RASSF2: variants seen among roughly 807,000 people sequenced by gnomAD.
The protein encoded by RASSF2 is ras association domain-containing protein 2.
A neutral mutation model predicts 46.3 loss-of-function variants in RASSF2; 34 were observed. The ratio of observed to expected loss-of-function variants is 0.73; its 90% CI spans 0.56 to 0.98. RASSF2 has a LOEUF of 0.98. RASSF2 is among the 50% of genes least tolerant of loss of function. The pLI is 0.00. For synonymous variants in RASSF2, 158 were observed against 162.5 expected (o/e 0.97, Z 0.21); for missense variants, 364 against 431.2 (o/e 0.84, Z 1.38).
chr20:4,822,189 TA>T (rs1181324481), intron 2 of RASSF2, 139 bp downstream of exon 2: 1 of 152,268 alleles, frequency 6.6e-6, no homozygotes, highest in Admixed American at 6.5e-5. Flanking sequence ...CCCGGCTGTT[TA>T]AAAGAATCAT....
chr20:4,805,639 G>A (rs1315013523), intron 2 of RASSF2, among the ~76,000 whole-genome samples: 1 of 152,138 alleles, frequency 6.6e-6, no homozygotes, highest in Admixed American at 6.5e-5. Context: ...ATTTTGGAAA[G>A]GTCACCCACC....
Position 4,804,527 on chromosome 20 carries a change from C to T in RASSF2, c.-32-3465G>A, listed in dbSNP as rs184544384. ...TAATTTTTTGTATTTTTAGTGGAGA[C>T]GGGGTTTCACCATGTTGGCCAGGCT... is the stretch of plus-strand genomic sequence containing the variant. On this transcript the variant is annotated intron_variant, in intron 2 of 11. Transcript: ENST00000379400. Among the ~76,000 whole-genome samples the T allele has an allele frequency of 4.1e-3, 620 of 151,954 alleles. 6 individuals are homozygous for T. The highest frequency in any genetic ancestry group is 7.5e-3 in the Admixed American group (114 of 15,262).
In RASSF2 at chr20:4,790,326, G is replaced by T; in HGVS notation, c.537+125C>A. ...GCTTGCAGCCCACCCACAACCCAAA[G>T]ACTAAACAGCAGCAAACACTTGGCT... On this transcript the variant is annotated intron_variant, in intron 7 of 11. Coordinates refer to ENST00000379400, the MANE Select transcript of RASSF2 (RefSeq NM_014737.3). The surrounding 1 kb of genome is among the most constrained non-coding windows in gnomAD (Gnocchi z 4.3). 1.7e-6 allele frequency: 2 copies of T among 1,161,576 alleles called. No individual in the cohort carries two copies. Among genetic ancestry groups the T allele is most frequent in the Non-Finnish European group, 2.3e-6 (2 of 881,474 alleles). 72.0% of individuals were successfully genotyped at this position (1,161,576 alleles called of 1,614,324 possible). A position where few individuals can be genotyped will look rare whatever the true frequency, so the allele number is the denominator to read the frequency against.
At chr20:4,813,367 C>A (rs1324211783) in intron 2 of RASSF2, among the ~76,000 whole-genome samples, 1 of 152,260 alleles carries the variant, frequency 6.6e-6, no homozygotes, top group Non-Finnish European at 1.5e-5. Flanking sequence ...CCCAGCCCTC[C>A]CTGCCCAAGC....
At chr20:4,802,050 C>T (rs1434707140) in intron 2 of RASSF2, among the ~76,000 whole-genome samples, 1 of 152,020 alleles carries the variant, frequency 6.6e-6, no homozygotes. Context: ...GCACTATTAC[C>T]ATTGGAGCTG....
At chr20:4,792,707 C>T in intron 5 of RASSF2, 80 bp from the exon 6 acceptor site, 2 of 1,524,598 alleles carry the variant, frequency 1.3e-6, no homozygotes. Context: ...CGCTGGACCC[C>T]ACTCCTGAAA....
chr20:4,812,410 A>G lies in RASSF2; in HGVS notation c.-33+9919T>C, dbSNP rs1177062549. Among the ~76,000 whole-genome samples, 2 of 152,232 alleles carry G rather than the reference A, an allele frequency of 1.3e-5. No individual in the cohort carries two copies. The highest frequency in any genetic ancestry group is 4.8e-5 in the African/African-American group (2 of 41,460). On this transcript the variant is annotated intron_variant, in intron 2 of 11. Transcript: ENST00000379400. The surrounding 1 kb of genome is among the most constrained non-coding windows in gnomAD (Gnocchi z 4.0). Reference sequence around the variant, plus strand: ...CTAGAAGGGGCGGAGCTGAGGCTCAAATCCAGGGCGGTGCAGGTGCCAAGC... The same window carrying G: ...CTAGAAGGGGCGGAGCTGAGGCTCAGATCCAGGGCGGTGCAGGTGCCAAGC...
chr20:4,788,811 A>C (rs544649567), intron 8 of RASSF2, among the ~76,000 whole-genome samples: 7 of 152,368 alleles, frequency 4.6e-5, no homozygotes, highest in Admixed American at 2.0e-4. Flanking sequence ...GATAGATAAC[A>C]GCTATCGTCT....
chr20:4,802,254 G>A (rs916804530), intron 2 of RASSF2, among the ~76,000 whole-genome samples: 5 of 152,262 alleles, frequency 3.3e-5, no homozygotes, highest in African/African-American at 1.2e-4. Context: ...GTTCTTTGTC[G>A]TGGGACTGTC....
intron 2 of RASSF2, among the ~76,000 whole-genome samples, chr20:4,810,471 C>T (rs765827301): frequency 3.9e-5 from 6 of 152,140 alleles, no homozygotes; most frequent in Admixed American, 1.3e-4. Flanking sequence ...TTCCTCCAAA[C>T]GCTCCATGAT....
rs376041688 is a variant in RASSF2, at chr20:4,790,621, G to A, written c.377-10C>T. The A allele has an allele frequency of 1.1e-4, 162 of 1,515,182 alleles. No homozygotes were observed. Among genetic ancestry groups the A allele is most frequent in the Non-Finnish European group, 1.4e-4 (161 of 1,143,726 alleles). 93.9% of individuals were successfully genotyped at this position (1,515,182 alleles called of 1,614,324 possible). ...TTCAGGCCCCTGGAGTCTGAGAGAG[G>A]AGAGGGAAATGAACTCTGTCTGTCT... On this transcript the variant is annotated splice_polypyrimidine_tract_variant and intron_variant, in intron 6 of 11. Transcript: ENST00000379400. The surrounding 1 kb of genome is among the most constrained non-coding windows in gnomAD (Gnocchi z 4.3).
At chr20:4,814,980 A>G (rs1885304) in intron 2 of RASSF2, 76,007 of 152,114 alleles carry the variant, frequency 0.5, 21,138 homozygotes, top group East Asian at 0.84. Flanking sequence ...CCGGACGACT[A>G]CCTAAGATTA....
At chr20:4,807,169 C>T (rs1473411541) in intron 2 of RASSF2, among the ~76,000 whole-genome samples, 2 of 152,100 alleles carry the variant, frequency 1.3e-5, no homozygotes, top group Admixed American at 6.5e-5. Flanking sequence ...TAAAATATCA[C>T]TAGAGAATTC....
chr20:4,817,781 A>T (rs1264316442), intron 2 of RASSF2, among the ~76,000 whole-genome samples: 1 of 152,198 alleles, frequency 6.6e-6, no homozygotes, highest in Non-Finnish European at 1.5e-5. Context: ...TGGGTGTCTC[A>T]TGGTGGGTGG....
Position 4,790,181 on chromosome 20 carries a change from G to A in RASSF2, c.537+270C>T, listed in dbSNP as rs1052867185. Among the ~76,000 whole-genome samples, 2 of 152,168 alleles carry A rather than the reference G, an allele frequency of 1.3e-5. No individual in the cohort carries two copies. The highest frequency in any genetic ancestry group is 2.4e-5 in the African/African-American group (1 of 41,432). ...GAGCTGCGTTTATGGGGTCTTCAAG[G>A]CTACAGCAGGGACTGCTTTGTACAG... is the stretch of plus-strand genomic sequence containing the variant. On this transcript the variant is annotated intron_variant, in intron 7 of 11. Transcript: ENST00000379400. The surrounding 1 kb of genome is among the most constrained non-coding windows in gnomAD (Gnocchi z 4.3).
At chr20:4,787,370 A>C (rs1429153655) in intron 10 of RASSF2, among the ~76,000 whole-genome samples, 2 of 152,206 alleles carry the variant, frequency 1.3e-5, no homozygotes, top group Non-Finnish European at 2.9e-5. Context: ...TGCAGACTTG[A>C]ACTCAACCCA....
At chr20:4,820,268 G>A (rs1014089543) in intron 2 of RASSF2, among the ~76,000 whole-genome samples, 1 of 152,216 alleles carries the variant, frequency 6.6e-6, no homozygotes, top group African/African-American at 2.4e-5. Context: ...ACTTTGGGAG[G>A]CTGAGGCAGG....
chr20:4,809,600 A>G (rs1196601454), intron 2 of RASSF2, among the ~76,000 whole-genome samples: 1 of 152,116 alleles, frequency 6.6e-6, no homozygotes, highest in Non-Finnish European at 1.5e-5. Flanking sequence ...CCGGGTTATC[A>G]TGATTACTGC....
At chr20:4,813,590 A>C (rs1346002029) in intron 2 of RASSF2, among the ~76,000 whole-genome samples, 2 of 152,268 alleles carry the variant, frequency 1.3e-5, no homozygotes, top group Non-Finnish European at 2.9e-5. Flanking sequence ...ACTGGCATCC[A>C]CAAGTGCCTG....
Sources: gnomAD v4.1 joint callset for allele counts (sites outside exome capture counted in the v4.1 genomes callset) on GRCh38, gnomAD v4.1.1 for gene constraint, Gnocchi (gnomAD v3.1) non-coding constraint, MANE v1.5 for transcripts, NCBI Gene and HGNC (gene_info 2026-07-23, HGNC 2026-07-21) for gene names.